Variants in PARD3 observed in about 807,000 individuals in gnomAD.
PARD3 encodes par-3 family cell polarity regulator.
PARD3 carries 75 observed loss-of-function variants against 155.4 expected under a neutral mutation model. The ratio of observed to expected loss-of-function variants is 0.48; its 90% CI spans 0.40 to 0.58. The LOEUF is 0.58. Ranked by LOEUF, PARD3 falls within the 20% of genes least tolerant of loss-of-function variation. PARD3 has a pLI of 0.00. For synonymous variants in PARD3, 576 were observed against 610.5 expected (o/e 0.94, Z 0.83); for missense variants, 1,642 against 1,721.7 (o/e 0.95, Z 0.82).
intron 1 of PARD3, among the ~76,000 whole-genome samples, chr10:34,718,048 G>C (rs954969059): frequency 2.0e-5 from 3 of 151,564 alleles, no homozygotes; most frequent in African/African-American, 7.3e-5. Context: ...CAGCTACTTG[G>C]GAGGCTGAGG....
chr10:34,713,969 A>C (rs1398078910), intron 1 of PARD3, among the ~76,000 whole-genome samples: 1 of 152,224 alleles, frequency 6.6e-6, no homozygotes, highest in Non-Finnish European at 1.5e-5. Context: ...AATCCAAAAC[A>C]ACCAACCTGG....
intron 3 of PARD3, among the ~76,000 whole-genome samples, chr10:34,506,702 T>C (rs991999712): frequency 6.6e-6 from 1 of 152,206 alleles, no homozygotes; most frequent in African/African-American, 2.4e-5. Context: ...TCTCTAGGTA[T>C]GGAAAATATA....
In PARD3 at chr10:34,255,579, G is replaced by GA. The variant is rs1954613269; in HGVS notation, c.3419+14077dup. On this transcript the variant is annotated intron_variant, in intron 22 of 24. Coordinates refer to ENST00000374788, the MANE Select transcript of PARD3 (RefSeq NM_001184785.2). ...TCAAAGCAGAGGCCAGAGAAAAGAG[G>GA]AAAAAGATATCTGTTAGGTGGTTGT... Among the ~76,000 whole-genome samples the GA allele has an allele frequency of 3.3e-5, 5 of 152,308 alleles. No homozygotes were observed. The South Asian group carries it at 1.0e-3, about 32-fold the overall frequency.
At chr10:34,178,704 C>T (rs1011445937) in intron 22 of PARD3, among the ~76,000 whole-genome samples, 42 of 152,064 alleles carry the variant, frequency 2.8e-4, no homozygotes, top group African/African-American at 1.0e-3. Context: ...TAGACATTTG[C>T]CAGCTCCAAG....
At chr10:34,677,615 T>C (rs2093733114) in intron 2 of PARD3, among the ~76,000 whole-genome samples, 1 of 152,158 alleles carries the variant, frequency 6.6e-6, no homozygotes, top group African/African-American at 2.4e-5. Flanking sequence ...ACACACATCA[T>C]TCATAAACTG....
intron 16 of PARD3, among the ~76,000 whole-genome samples, chr10:34,341,196 A>C (rs1008412870): frequency 8.1e-4 from 123 of 152,064 alleles, no homozygotes; most frequent in African/African-American, 2.8e-3. Flanking sequence ...AAAAAAAAAA[A>C]AAAACACTTT....
intron 15 of PARD3, chr10:34,345,040 T>A (rs1837258412): frequency 1.0e-6 from 1 of 984,694 alleles, no homozygotes; most frequent in African/African-American, 1.7e-5. Flanking sequence ...ATCTGGAGAC[T>A]TTCGAATAAC....
intron 22 of PARD3, among the ~76,000 whole-genome samples, chr10:34,141,772 G>T (rs1050294321): frequency 6.6e-6 from 1 of 152,096 alleles, no homozygotes; most frequent in Non-Finnish European, 1.5e-5. Context: ...ACATGCAAGC[G>T]CAAAGACATA....
chr10:34,766,016 G>T (rs80304970), intron 1 of PARD3, among the ~76,000 whole-genome samples: 1,952 of 152,252 alleles, frequency 0.013, 20 homozygotes, highest in Admixed American at 0.019. Flanking sequence ...TCTGTGCTCT[G>T]AACCACCCCA....
At chr10:34,429,664 C>A (rs1316229960) in intron 5 of PARD3, among the ~76,000 whole-genome samples, 4 of 152,172 alleles carry the variant, frequency 2.6e-5, no homozygotes, top group Non-Finnish European at 5.9e-5. Context: ...CAGTTCACCA[C>A]AACCTCCGCC....
chr10:34,715,611 A>G (rs1052202310), intron 1 of PARD3, among the ~76,000 whole-genome samples: 5 of 152,114 alleles, frequency 3.3e-5, no homozygotes, highest in African/African-American at 9.7e-5. Context: ...TCCTACTTTT[A>G]TCTTATGCCC....
Position 34,382,849 on chromosome 10 carries a change from C to T in PARD3, c.1090G>A (p.Glu364Lys), listed in dbSNP as rs1841990097. 1.2e-6 allele frequency: 2 copies of T among 1,614,138 alleles called. No homozygotes were observed. The highest frequency in any genetic ancestry group is 1.7e-6 in the Non-Finnish European group (2 of 1,180,018). ...WFHVVPAANK[E>K]QYEQLSQSEK... Reference sequence around the variant, plus strand: ...CTTTGGGATAGTTGTTCATACTGCTCTTTATTTGCTGCAGGAACCACATGG... The same window carrying T: ...CTTTGGGATAGTTGTTCATACTGCTTTTTATTTGCTGCAGGAACCACATGG... Residue 364 changes from glutamate (E) to lysine (K), a missense_variant, in exon 9 of 25, where the codon GAG becomes AAG. Glu to Lys is a moderately conservative substitution (Grantham distance 56). Transcript: ENST00000374788.
intron 22 of PARD3, among the ~76,000 whole-genome samples, chr10:34,141,794 G>A (rs145856815): frequency 2.0e-5 from 3 of 152,116 alleles, no homozygotes; most frequent in Non-Finnish European, 4.4e-5. Context: ...ATAATTTCAG[G>A]ACCCAGCAAT....
intron 2 of PARD3, among the ~76,000 whole-genome samples, chr10:34,545,840 G>A (rs2084002559): frequency 6.6e-6 from 1 of 152,264 alleles, no homozygotes; most frequent in African/African-American, 2.4e-5. Flanking sequence ...TTACAGATGT[G>A]AGCCACTGCA....
At chr10:34,321,115 T>C (rs1345425705) in intron 19 of PARD3, among the ~76,000 whole-genome samples, 5 of 152,154 alleles carry the variant, frequency 3.3e-5, no homozygotes, top group Non-Finnish European at 1.5e-5. Context: ...AAAATATACA[T>C]ATTCAAAGTC....
chr10:34,160,070 T>C (rs1949202940), intron 22 of PARD3, among the ~76,000 whole-genome samples: 1 of 150,732 alleles, frequency 6.6e-6, no homozygotes, highest in South Asian at 2.1e-4. Context: ...CAAAAGAGAC[T>C]AAAGTATTTT....
At position 34,465,194 on chromosome 10, in the gene PARD3, A is replaced by C. The variant is rs202068080; in HGVS notation, c.582+4891T>G. Reference sequence around the variant, plus strand: ...TTTTGTTGTTGTTCCAAATATTTTCAATCTAATCTTGGTTGAATCCGTGGA... The same window carrying C: ...TTTTGTTGTTGTTCCAAATATTTTCCATCTAATCTTGGTTGAATCCGTGGA... On this transcript the variant is annotated intron_variant, in intron 4 of 24. Transcript: ENST00000374788. Among the ~76,000 whole-genome samples, 39 of 152,308 alleles carry C rather than the reference A, an allele frequency of 2.6e-4. No homozygotes were observed. The East Asian group carries it at 6.9e-3, about 27-fold the overall frequency.
intron 4 of PARD3, among the ~76,000 whole-genome samples, chr10:34,459,911 T>A (rs1366873572): frequency 6.6e-6 from 1 of 152,170 alleles, no homozygotes; most frequent in Non-Finnish European, 1.5e-5. Flanking sequence ...TCTGTGAAAG[T>A]CCCTAGGTAC....
chr10:34,714,584 G>T (rs1275417078), intron 1 of PARD3, among the ~76,000 whole-genome samples: 2 of 152,082 alleles, frequency 1.3e-5, no homozygotes, highest in African/African-American at 4.8e-5. Context: ...AAGGACGGAG[G>T]GGCCTGTTCC....
Sources: allele counts gnomAD v4.1 joint callset (sites outside exome capture counted in the v4.1 genomes callset), GRCh38; gene constraint gnomAD v4.1.1; transcripts MANE v1.5; gene names NCBI Gene and HGNC (gene_info 2026-07-23, HGNC 2026-07-21).